Variants in SH3GL2 observed in about 807,000 individuals in gnomAD.
The protein encoded by SH3GL2 is SH3 domain containing GRB2 like 2, endophilin A1.
Under a neutral mutation model 46.0 loss-of-function variants are expected in SH3GL2, and 24 were observed. The observed-to-expected ratio is 0.52, with a 90% confidence interval of 0.38 to 0.73. The LOEUF is 0.73. Among genes scored for constraint, SH3GL2 ranks in the 30% least tolerant of loss-of-function variants. The pLI, the probability that SH3GL2 is intolerant of heterozygous loss-of-function variation, is 0.00. For missense variants in SH3GL2, 413 were observed against 424.2 expected, an observed-to-expected ratio of 0.97 and a Z score of 0.23; for synonymous variants, 196 against 147.1, an observed-to-expected ratio of 1.33 and a Z score of -2.40.
chr9:17,658,200 A>G (rs567293305), intron 1 of SH3GL2, among the ~76,000 whole-genome samples: 1 of 152,362 alleles, frequency 6.6e-6, no homozygotes, highest in East Asian at 1.9e-4. Context: ...AGTCATTAAT[A>G]AATGTTAATT....
intron 1 of SH3GL2, among the ~76,000 whole-genome samples, chr9:17,688,064 TTC>T (rs1820969265): frequency 6.6e-6 from 1 of 152,096 alleles, no homozygotes; most frequent in African/African-American, 2.4e-5. Context: ...GCTCCCTGCT[TTC>T]ACCTAAGTTC....
intron 1 of SH3GL2, among the ~76,000 whole-genome samples, chr9:17,676,556 A>C (rs10810824): frequency 0.37 from 56,995 of 152,048 alleles, 11,597 homozygotes; most frequent in East Asian, 0.54. Context: ...CAATGAGCTG[A>C]GATTGCACCA....
Position 17,789,463 on chromosome 9 carries a change from G to A in SH3GL2, c.537G>A (p.Pro179=), listed in dbSNP as rs150448314. Reference sequence around the variant, plus strand: ...AGAAGAAACGACAAGGCAAGATTCCGGATGAAGAGCTTCGTCAAGCTCTAG... The same window carrying A: ...AGAAGAAACGACAAGGCAAGATTCCAGATGAAGAGCTTCGTCAAGCTCTAG... ...DYKKKRQGKI[P]DEELRQALEK... Residue 179 remains proline, a synonymous_variant, in exon 6 of 9, where the codon CCG becomes CCA. Coordinates refer to ENST00000380607, the MANE Select transcript of SH3GL2 (RefSeq NM_003026.5). 245 of 1,613,286 alleles carry A rather than the reference G, an allele frequency of 1.5e-4. 1 individual carries two copies. Among genetic ancestry groups the A allele is most frequent in the Non-Finnish European group, 1.9e-4 (221 of 1,179,504 alleles).
At position 17,677,362 on chromosome 9, in the gene SH3GL2, T is replaced by C. The variant is rs931224830; in HGVS notation, c.46-69704T>C. On this transcript the variant is annotated intron_variant, in intron 1 of 8. Coordinates refer to ENST00000380607, the MANE Select transcript of SH3GL2 (RefSeq NM_003026.5). Reference sequence around the variant, plus strand: ...CTGGTGATACGGTACTCTCACATTGTGAAGGGATGGCTCAATATTAATTTT... The same window carrying C: ...CTGGTGATACGGTACTCTCACATTGCGAAGGGATGGCTCAATATTAATTTT... Among the ~76,000 whole-genome samples the C allele has an allele frequency of 2.0e-5, 3 of 152,162 alleles. No homozygotes were observed. The East Asian group carries it at 5.8e-4, about 29-fold the overall frequency.
intron 1 of SH3GL2, among the ~76,000 whole-genome samples, chr9:17,711,307 C>T (rs774445196): frequency 4.6e-5 from 7 of 151,746 alleles, no homozygotes; most frequent in African/African-American, 7.3e-5. Context: ...TTTTTAATAG[C>T]TTTATTGTGG....
At chr9:17,690,197 C>A (rs1197325467) in intron 1 of SH3GL2, among the ~76,000 whole-genome samples, 1 of 152,090 alleles carries the variant, frequency 6.6e-6, no homozygotes, top group Non-Finnish European at 1.5e-5. Flanking sequence ...TAGCTAGGTG[C>A]CTGGCAAAAA....
At chr9:17,595,913 A>C (rs551799884) in intron 1 of SH3GL2, among the ~76,000 whole-genome samples, 15 of 152,300 alleles carry the variant, frequency 9.8e-5, no homozygotes, top group Admixed American at 2.6e-4. Flanking sequence ...ACATTTGAAC[A>C]GTGATTATTC....
rs202226384 is a variant in SH3GL2, at chr9:17,674,276, TA to T, written c.46-72789del. ...ATGTGTGTGATTTTATTTATTTATT[TA>T]TTTTTTTAAGACGGAGTCTCTCTCT... On this transcript the variant is annotated intron_variant, in intron 1 of 8. Transcript: ENST00000380607. 5.7e-3 allele frequency among the ~76,000 whole-genome samples: 866 copies of T among 152,312 alleles called. 10 individuals are homozygous for T. The highest frequency in any genetic ancestry group is 0.02 in the African/African-American group (819 of 41,550).
intron 1 of SH3GL2, among the ~76,000 whole-genome samples, chr9:17,724,939 G>A (rs371506697): frequency 5.3e-5 from 8 of 152,048 alleles, no homozygotes; most frequent in South Asian, 2.1e-4. Flanking sequence ...TGGCTTTCAC[G>A]GTTCAGGGAA....
intron 1 of SH3GL2, among the ~76,000 whole-genome samples, chr9:17,742,227 C>G (rs1822547638): frequency 6.6e-6 from 1 of 152,070 alleles, no homozygotes; most frequent in Non-Finnish European, 1.5e-5. Flanking sequence ...AAATGAAATG[C>G]AATGCTGGGA....
rs1028273296 is a variant in SH3GL2 at position 17,766,023 on chromosome 9, C to G, written c.187+4514C>G. Among the ~76,000 whole-genome samples the G allele has an allele frequency of 2.6e-5, 4 of 152,208 alleles. 1 individual carries two copies. Among genetic ancestry groups the G allele is most frequent in the Non-Finnish European group, 5.9e-5 (4 of 68,038 alleles). ...ATACTCATATGTAACCAACATTTGT[C>G]ACATGCATTTACTTTTATGCAAAGA... is the stretch of plus-strand genomic sequence containing the variant. On this transcript the variant is annotated intron_variant, in intron 3 of 8. Coordinates refer to ENST00000380607, the MANE Select transcript of SH3GL2 (RefSeq NM_003026.5).
chr9:17,600,288 T>C (rs939935131), intron 1 of SH3GL2, among the ~76,000 whole-genome samples: 10 of 152,182 alleles, frequency 6.6e-5, no homozygotes, highest in African/African-American at 2.4e-4. Context: ...GATTATTAAT[T>C]AAATGTCCTA....
At chr9:17,720,542 C>T (rs116182276) in intron 1 of SH3GL2, among the ~76,000 whole-genome samples, 4,418 of 152,074 alleles carry the variant, frequency 0.029, 212 homozygotes, top group African/African-American at 0.1. Context: ...CAGTTGGCAG[C>T]GCTTATTGGC....
intron 1 of SH3GL2, among the ~76,000 whole-genome samples, chr9:17,643,525 C>A (rs1256610389): frequency 6.6e-6 from 1 of 152,044 alleles, no homozygotes; most frequent in African/African-American, 2.4e-5. Flanking sequence ...ATAAAAAGTT[C>A]TTATTATTTT....
At chr9:17,762,416 G>C (rs1276766180) in intron 3 of SH3GL2, among the ~76,000 whole-genome samples, 2 of 149,326 alleles carry the variant, frequency 1.3e-5, no homozygotes, top group African/African-American at 5.0e-5. Flanking sequence ...AAAAAAAAAA[G>C]GGGGCGGGTG....
chr9:17,670,475 G>C (rs1464306799), intron 1 of SH3GL2, among the ~76,000 whole-genome samples: 3 of 152,120 alleles, frequency 2.0e-5, no homozygotes, highest in East Asian at 3.9e-4. Context: ...GGGCTTTTCA[G>C]CATGTTTTAA....
intron 1 of SH3GL2, among the ~76,000 whole-genome samples, chr9:17,629,690 T>C (rs1373564152): frequency 6.6e-6 from 1 of 152,198 alleles, no homozygotes; most frequent in Non-Finnish European, 1.5e-5. Context: ...CCTTGTCTTA[T>C]ATTCAGAGAA....
At chr9:17,790,286 C>T (rs1267412152) in intron 6 of SH3GL2, 1 of 219,280 alleles carries the variant, frequency 4.6e-6, no homozygotes, top group Non-Finnish European at 7.7e-6. Context: ...TGCCAGTCTC[C>T]TCTGGAAACA....
chr9:17,720,541 G>A (rs1478200703), intron 1 of SH3GL2, among the ~76,000 whole-genome samples: 2 of 152,032 alleles, frequency 1.3e-5, no homozygotes, highest in Non-Finnish European at 2.9e-5. Context: ...ACAGTTGGCA[G>A]CGCTTATTGG....
Sources: allele counts gnomAD v4.1 joint callset (sites outside exome capture counted in the v4.1 genomes callset), GRCh38; gene constraint gnomAD v4.1.1; transcripts MANE v1.5; gene names NCBI Gene and HGNC (gene_info 2026-07-23, HGNC 2026-07-21).